CRHR2: variants seen among roughly 807,000 people sequenced by gnomAD.
CRHR2 encodes the protein corticotropin releasing hormone receptor 2.
A neutral mutation model predicts 57.9 loss-of-function variants in CRHR2; 53 were observed. The ratio of observed to expected loss-of-function variants is 0.92; its 90% CI spans 0.73 to 1.15. The LOEUF (loss-of-function observed/expected upper bound fraction) is 1.15. Ranked by LOEUF, CRHR2 falls within the 50% of genes most tolerant of loss-of-function variation. CRHR2 has a pLI of 0.00. For synonymous variants in CRHR2, 213 were observed against 220.9 expected, an observed-to-expected ratio of 0.96 and a Z score of 0.32; for missense variants, 532 against 542.6, an observed-to-expected ratio of 0.98 and a Z score of 0.19.
chr7:30,693,294 G>T (rs1367389367), intron 1 of CRHR2, among the ~76,000 whole-genome samples: 2 of 152,220 alleles, frequency 1.3e-5, no homozygotes, highest in African/African-American at 2.4e-5. Flanking sequence ...CCAAGCCATG[G>T]TTAGAAGGTT....
At chr7:30,671,112 G>A (rs918159168) in intron 2 of CRHR2, among the ~76,000 whole-genome samples, 17 of 152,180 alleles carry the variant, frequency 1.1e-4, no homozygotes, top group African/African-American at 3.9e-4. Context: ...AGATAGCTAG[G>A]TGACCATGAC....
intron 1 of CRHR2, chr7:30,697,893 A>T (rs1785089072): frequency 6.6e-6 from 1 of 152,164 alleles, no homozygotes; most frequent in Non-Finnish European, 1.5e-5. Flanking sequence ...TTCTGAGCCC[A>T]TTTACTGGAA....
In CRHR2 at chr7:30,695,858, C is replaced by T. The variant is rs74585237; in HGVS notation, c.-261+4086G>A. Among the ~76,000 whole-genome samples the T allele has an allele frequency of 4.9e-3, 754 of 152,330 alleles. 5 individuals are homozygous for T. The highest frequency in any genetic ancestry group is 0.017 in the African/African-American group (727 of 41,564). ...AGCTGAGCGGCCCTGGGCACGTGAG[C>T]TCACCTCACTTCCTCATCTGCAAAA... On this transcript the variant is annotated intron_variant, in intron 1 of 13. Transcript: ENST00000341843.
Position 30,665,532 on chromosome 7 carries a change from C to G in CRHR2, c.423G>C (p.Leu141=). 1 of 1,556,944 alleles carries G rather than the reference C, an allele frequency of 6.4e-7. No homozygotes were observed. The highest frequency in any genetic ancestry group is 2.4e-5 in the East Asian group (1 of 41,294). The change falls in exon 4 of 12, where the codon CTG becomes CTC. Residue 141 remains leucine (L), a splice_region_variant and synonymous_variant. Transcript: ENST00000471646. This position sits in a 1 kb window ranked among gnomAD's most constrained non-coding sequence, Gnocchi z 4.5. ...GCAAGGCGGAAGGGCAGACTCACCGCAGGGCCAGGAAAAGCAGGAAGGCGG... is the reference window on the plus strand; with the variant it reads ...GCAAGGCGGAAGGGCAGACTCACCGGAGGGCCAGGAAAAGCAGGAAGGCGG... ...LVAAFLLFLA[L]RSIRCLRNVI...
chr7:30,686,543 T>G (rs530950966), upstream of CRHR2: 1 of 1,515,728 alleles, frequency 6.6e-7, no homozygotes, highest in Non-Finnish European at 8.8e-7. Flanking sequence ...GTGCAGTGGC[T>G]CACACCCATA....
chr7:30,682,355 G>A lies in CRHR2; in HGVS notation c.-75C>T, dbSNP rs1319356242. 21 of 1,432,636 alleles carry A rather than the reference G, an allele frequency of 1.5e-5. No homozygotes were observed. The highest frequency in any genetic ancestry group is 2.7e-5 in the Admixed American group (1 of 37,660). 88.7% of individuals were successfully genotyped at this position (1,432,636 alleles called of 1,614,324 possible). A position where few individuals can be genotyped will look rare whatever the true frequency, so the allele number is the denominator to read the frequency against. On this transcript the variant is annotated 5_prime_UTR_variant, in exon 1 of 12. Coordinates refer to ENST00000471646, the MANE Select transcript of CRHR2 (RefSeq NM_001883.5). Reference sequence around the variant, plus strand: ...TGACTGCGAGGGAGTGGACGCGAGAGTGAGCGGCCGAGAGGGCGCGGGGTC... The same window carrying A: ...TGACTGCGAGGGAGTGGACGCGAGAATGAGCGGCCGAGAGGGCGCGGGGTC...
At chr7:30,660,470 G>T in intron 8 of CRHR2, 103 bp downstream of exon 8, 1 of 1,198,490 alleles carries the variant, frequency 8.3e-7, no homozygotes, top group Non-Finnish European at 1.2e-6. Flanking sequence ...GAGTGTGTGC[G>T]CAGGGCTGCC....
chr7:30,669,201 C>T (rs1784282862), intron 2 of CRHR2, among the ~76,000 whole-genome samples: 1 of 152,114 alleles, frequency 6.6e-6, no homozygotes, highest in African/African-American at 2.4e-5. Context: ...AGATATTATC[C>T]AGCTTTCCTG....
At chr7:30,688,792 C>A in intron 2 of CRHR2, 3 of 458,356 alleles carry the variant, frequency 6.5e-6, no homozygotes, top group African/African-American at 2.0e-5. Flanking sequence ...CAGGGCCGGG[C>A]TGCTGCTTTG....
chr7:30,662,832 T>G lies in CRHR2; in HGVS notation c.559A>C (p.Ile187Leu), dbSNP rs1184287948. 2 of 1,614,160 alleles carry G rather than the reference T, an allele frequency of 1.2e-6. No individual in the cohort carries two copies. Among genetic ancestry groups the G allele is most frequent in the South Asian group, 2.2e-5 (2 of 91,076 alleles). Residue 187 changes from isoleucine (I) to leucine (L), a missense_variant, in exon 6 of 12, where the codon ATC (isoleucine) becomes CTC (leucine). Physicochemically the swap from Ile to Leu is conservative, Grantham distance 5. Coordinates refer to ENST00000471646, the MANE Select transcript of CRHR2 (RefSeq NM_001883.5). ...HESNEVWCRC[I>L]TTIFNYFVVT... Reference sequence around the variant, plus strand: ...ACGAAGTAGTTGAAGATGGTGGTGATGCAGCGGCACCAGACCTGTGTGCAG... The same window carrying G: ...ACGAAGTAGTTGAAGATGGTGGTGAGGCAGCGGCACCAGACCTGTGTGCAG...
upstream of CRHR2, among the ~76,000 whole-genome samples, chr7:30,683,802 C>G (rs1368198091): frequency 6.6e-6 from 1 of 152,226 alleles, no homozygotes; most frequent in Non-Finnish European, 1.5e-5. Context: ...GGAACCTAGT[C>G]TCAGAAACCA....
At chr7:30,655,862 G>A in intron 9 of CRHR2, 65 bp downstream of exon 9, 1 of 1,597,422 alleles carries the variant, frequency 6.3e-7, no homozygotes, top group Non-Finnish European at 8.6e-7. Context: ...CTGCCAGGAA[G>A]CAGGGGGACG....
chr7:30,654,301 CTCT>C (rs1389747047), intron 11 of CRHR2, among the ~76,000 whole-genome samples: 3 of 152,246 alleles, frequency 2.0e-5, no homozygotes, highest in East Asian at 1.9e-4. Flanking sequence ...CTGGCCCCCT[CTCT>C]TCTTCTCATC....
intron 8 of CRHR2, 108 bp downstream of exon 8, chr7:30,660,461 AGTGT>A: frequency 9.2e-7 from 1 of 1,081,768 alleles, no homozygotes; most frequent in Non-Finnish European, 1.3e-6. Flanking sequence ...TGGCATATAG[AGTGT>A]GTGCGCAGGG....
At chr7:30,679,127 G>C (rs1784615548) in intron 2 of CRHR2, among the ~76,000 whole-genome samples, 1 of 152,176 alleles carries the variant, frequency 6.6e-6, no homozygotes, top group Non-Finnish European at 1.5e-5. Context: ...CCTCAGCCTA[G>C]AGGGCCTCTC....
At chr7:30,699,347 T>C (rs971631025) in intron 1 of CRHR2, among the ~76,000 whole-genome samples, 1 of 152,088 alleles carries the variant, frequency 6.6e-6, no homozygotes, top group Non-Finnish European at 1.5e-5. Context: ...GAGAGGCTGG[T>C]TCTCCCAGAG....
At chr7:30,655,127 G>A (rs910184691) in intron 10 of CRHR2, 47 bp from the exon 11 acceptor site, 3 of 1,598,404 alleles carry the variant, frequency 1.9e-6, no homozygotes, top group African/African-American at 1.3e-5. Flanking sequence ...TACCTGCGGA[G>A]CTGTTCTGCC....
chr7:30,661,145 C>T (rs1783983203), intron 7 of CRHR2, among the ~76,000 whole-genome samples: 1 of 152,244 alleles, frequency 6.6e-6, no homozygotes, highest in Non-Finnish European at 1.5e-5. Context: ...AATGCTTGTG[C>T]ACCCAGTGAG....
Position 30,669,479 on chromosome 7 carries a change from AG to A in CRHR2, c.230-2167del, listed in dbSNP as rs553022320. Among the ~76,000 whole-genome samples, 33 of 152,198 alleles carry A rather than the reference AG, an allele frequency of 2.2e-4. 1 individual carries two copies. In the South Asian group the frequency reaches 4.4e-3, roughly 20 times the overall value. ...ATCATGGGGTGGGCTTGCAGGTGGG[AG>A]GGGGTCAGGATAGAAATGCTGCAAA... On this transcript the variant is annotated intron_variant, in intron 2 of 11. Transcript: ENST00000471646.
Sources: allele counts gnomAD v4.1 joint callset (sites outside exome capture counted in the v4.1 genomes callset), GRCh38; gene constraint gnomAD v4.1.1; non-coding constraint Gnocchi (gnomAD v3.1); transcripts MANE v1.5; gene names NCBI Gene and HGNC (gene_info 2026-07-23, HGNC 2026-07-21).